TTC28: variants seen among roughly 807,000 people sequenced by gnomAD.
The protein encoded by TTC28 is tetratricopeptide repeat protein 28.
A neutral mutation model predicts 198.0 loss-of-function variants in TTC28; 61 were observed. The ratio of observed to expected loss-of-function variants is 0.31; its 90% CI spans 0.25 to 0.38. TTC28 has a LOEUF of 0.38. TTC28 is among the 10% of genes least tolerant of loss of function. The pLI, the probability that TTC28 is intolerant of heterozygous loss-of-function variation, is 1.00. For synonymous variants in TTC28, 1,171 were observed against 1,297.8 expected (o/e 0.90, Z 2.10); for missense variants, 2,678 against 3,164.0 (o/e 0.85, Z 3.69).
At chr22:28,384,615 C>T (rs781180401) in intron 2 of TTC28, among the ~76,000 whole-genome samples, 8 of 152,198 alleles carry the variant, frequency 5.3e-5, no homozygotes, top group Non-Finnish European at 1.2e-4. Context: ...AAGGTATTCT[C>T]GCAGTTAACT....
chr22:28,019,871 C>T (rs1569086366), intron 13 of TTC28, among the ~76,000 whole-genome samples: 1 of 152,216 alleles, frequency 6.6e-6, no homozygotes, highest in Non-Finnish European at 1.5e-5. Flanking sequence ...TGAGCCGTGG[C>T]AGGGGCCATG....
Position 28,078,124 on chromosome 22 carries a change from TA to T in TTC28, c.3932+15955del. ...CTGGAAGTTCTTATTAAACACTTAATAAAAGCACTTCTTTTATTTTTAAATC... is the reference window on the plus strand; with the variant it reads ...CTGGAAGTTCTTATTAAACACTTAATAAAGCACTTCTTTTATTTTTAAATC... On this transcript the variant is annotated intron_variant, in intron 12 of 22. Coordinates refer to ENST00000397906, the MANE Select transcript of TTC28 (RefSeq NM_001145418.2). 3.9e-5 allele frequency among the ~76,000 whole-genome samples: 6 copies of T among 152,382 alleles called. 2 individuals are homozygous for T. Among genetic ancestry groups the T allele is most frequent in the Admixed American group, 3.9e-4 (6 of 15,306 alleles).
chr22:28,391,243 A>T (rs1230444334), intron 2 of TTC28, among the ~76,000 whole-genome samples: 4 of 152,176 alleles, frequency 2.6e-5, no homozygotes, highest in African/African-American at 7.2e-5. Context: ...CTTTGTGGGT[A>T]ACCCGACCTT....
At chr22:28,590,208 A>G (rs1420559053) in intron 2 of TTC28, among the ~76,000 whole-genome samples, 1 of 150,298 alleles carries the variant, frequency 6.7e-6, no homozygotes, top group Non-Finnish European at 1.5e-5. Context: ...GCTCACTGCA[A>G]GCTCCACTTC....
chr22:28,599,569 C>T (rs541828422), intron 2 of TTC28, among the ~76,000 whole-genome samples: 55 of 152,114 alleles, frequency 3.6e-4, no homozygotes, highest in Non-Finnish European at 7.1e-4. Flanking sequence ...TGGGAGGATC[C>T]CTTGAGGCCA....
Position 28,206,436 on chromosome 22 carries a change from T to A in TTC28, c.934-42837A>T, listed in dbSNP as rs375883636. 1.1e-4 allele frequency among the ~76,000 whole-genome samples: 17 copies of A among 152,300 alleles called. No individual in the cohort carries two copies. The East Asian group carries it at 2.3e-3, about 21-fold the overall frequency. On this transcript the variant is annotated intron_variant, in intron 5 of 22. Coordinates refer to ENST00000397906, the MANE Select transcript of TTC28 (RefSeq NM_001145418.2). ...ATCTTTCAACTATAATAACATTAGATGCTAATTACAGTATTTGTGCTAGCC... is the reference window on the plus strand; with the variant it reads ...ATCTTTCAACTATAATAACATTAGAAGCTAATTACAGTATTTGTGCTAGCC...
intron 5 of TTC28, among the ~76,000 whole-genome samples, chr22:28,247,714 G>A (rs1433978726): frequency 6.6e-6 from 1 of 152,142 alleles, no homozygotes; most frequent in African/African-American, 2.4e-5. Flanking sequence ...CCTTGACAAA[G>A]AAGGCAGAGA....
intron 2 of TTC28, among the ~76,000 whole-genome samples, chr22:28,356,654 A>G (rs2145947035): frequency 6.6e-6 from 1 of 152,264 alleles, no homozygotes; most frequent in Admixed American, 6.5e-5. Flanking sequence ...CAAGGTGCAC[A>G]CCCAAACATA....
chr22:28,289,664 T>C (rs551591248), intron 5 of TTC28, among the ~76,000 whole-genome samples: 3 of 152,204 alleles, frequency 2.0e-5, no homozygotes, highest in East Asian at 1.9e-4. Flanking sequence ...CACTTGTGAA[T>C]AGCCACCGCA....
chr22:28,300,956 G>A (rs549084749), intron 3 of TTC28, among the ~76,000 whole-genome samples: 8 of 152,184 alleles, frequency 5.3e-5, no homozygotes, highest in South Asian at 2.1e-4. Flanking sequence ...GGTCAAACGC[G>A]TAGGTTGAAA....
chr22:28,373,454 A>G (rs1053721301), intron 2 of TTC28, among the ~76,000 whole-genome samples: 5 of 152,210 alleles, frequency 3.3e-5, no homozygotes, highest in African/African-American at 1.2e-4. Flanking sequence ...AGCAGAATTC[A>G]TCTATTGGAG....
At chr22:28,198,485 T>A (rs979740142) in intron 5 of TTC28, among the ~76,000 whole-genome samples, 1 of 152,204 alleles carries the variant, frequency 6.6e-6, no homozygotes, top group African/African-American at 2.4e-5. Flanking sequence ...GATTAAATTA[T>A]GGCACAACCA....
chr22:28,447,327 T>C (rs757760857), intron 2 of TTC28, among the ~76,000 whole-genome samples: 7 of 152,194 alleles, frequency 4.6e-5, no homozygotes, highest in Non-Finnish European at 7.3e-5. Context: ...AGCAACTCAA[T>C]TGATGTCCTT....
chr22:28,538,781 C>T (rs1003121522), intron 2 of TTC28, among the ~76,000 whole-genome samples: 1 of 151,844 alleles, frequency 6.6e-6, no homozygotes, highest in Non-Finnish European at 1.5e-5. Context: ...AGGCTGGTCT[C>T]GAACTCCTGA....
At chr22:28,450,104 A>G (rs2047758185) in intron 2 of TTC28, among the ~76,000 whole-genome samples, 1 of 152,176 alleles carries the variant, frequency 6.6e-6, no homozygotes, top group African/African-American at 2.4e-5. Flanking sequence ...ATTGATGTAG[A>G]TATTGATATA....
At chr22:28,269,277 G>T (rs1327352422) in intron 5 of TTC28, among the ~76,000 whole-genome samples, 2 of 152,066 alleles carry the variant, frequency 1.3e-5, no homozygotes. Flanking sequence ...ATTCAAATGC[G>T]ATGTCAAAGG....
intron 3 of TTC28, among the ~76,000 whole-genome samples, chr22:28,301,439 G>A (rs187431790): frequency 6.6e-6 from 1 of 152,258 alleles, no homozygotes; most frequent in Admixed American, 6.5e-5. Context: ...AAATGTAAAG[G>A]CTTTAAAAAT....
At chr22:28,576,468 C>T (rs1032850138) in intron 2 of TTC28, among the ~76,000 whole-genome samples, 2 of 151,890 alleles carry the variant, frequency 1.3e-5, no homozygotes, top group East Asian at 3.9e-4. Context: ...GAACCTTTAT[C>T]TAGTTTTCGT....
intron 6 of TTC28, among the ~76,000 whole-genome samples, chr22:28,148,612 C>CA (rs35433132): frequency 0.038 from 2,808 of 74,706 alleles, 40 homozygotes; most frequent in African/African-American, 0.058. Flanking sequence ...GACTCTGTCT[C>CA]AAAAAAAAAA....
Sources: gnomAD v4.1 joint callset for allele counts (sites outside exome capture counted in the v4.1 genomes callset) on GRCh38, gnomAD v4.1.1 for gene constraint, MANE v1.5 for transcripts, NCBI Gene and HGNC (gene_info 2026-07-23, HGNC 2026-07-21) for gene names.